Variants in XIRP2 observed in about 807,000 individuals in gnomAD.
XIRP2 encodes xin actin-binding repeat-containing protein 2.
A neutral mutation model predicts 277.0 loss-of-function variants in XIRP2; 236 were observed. That is an observed-to-expected ratio of 0.85 (90% CI 0.77 to 0.95). XIRP2 has a LOEUF of 0.95. Ranked by LOEUF, XIRP2 falls within the 40% of genes least tolerant of loss-of-function variation. The probability of loss-of-function intolerance (pLI) is 0.00; values close to 1 mark genes in which losing one functional copy is unlikely to be tolerated. For synonymous variants in XIRP2, 1,490 were observed against 1,416.5 expected (o/e 1.05, Z -1.17); for missense variants, 4,640 against 4,157.5 (o/e 1.12, Z -3.19).
rs1695264824 is a variant in XIRP2, at chr2:167,246,386, A to G, written c.4994A>G (p.Asn1665Ser). 1 of 1,613,438 alleles carries G rather than the reference A, an allele frequency of 6.2e-7. No homozygotes were observed. Residue 1665 changes from asparagine (N) to serine (S), a missense_variant, in exon 9 of 11, where the codon AAC becomes AGC. Physicochemically the swap from Asn to Ser is conservative, Grantham distance 46. Coordinates refer to ENST00000409195, the MANE Select transcript of XIRP2 (RefSeq NM_152381.6). ...VKGDVQQAIKNLFSEERSVKK... is the reference protein window; with the variant it reads ...VKGDVQQAIKSLFSEERSVKK... ...GGTGATGTACAACAAGCAATAAAAAACCTGTTCTCTGAGGAAAGATCTGTA... is the reference window on the plus strand; with the variant it reads ...GGTGATGTACAACAAGCAATAAAAAGCCTGTTCTCTGAGGAAAGATCTGTA...
chr2:167,118,538 T>C (rs1264163024), intron 2 of XIRP2, among the ~76,000 whole-genome samples: 2 of 94,480 alleles, frequency 2.1e-5, no homozygotes, highest in Non-Finnish European at 4.5e-5. Flanking sequence ...ATAAAATAGC[T>C]TGATGGAAGA....
At chr2:166,958,335 G>A (rs1266960522) in intron 2 of XIRP2, among the ~76,000 whole-genome samples, 1 of 151,854 alleles carries the variant, frequency 6.6e-6, no homozygotes, top group Non-Finnish European at 1.5e-5. Flanking sequence ...ATCTAATAGA[G>A]AGAGAAGCTG....
chr2:167,242,965 G>T lies in XIRP2; in HGVS notation c.1573G>T (p.Val525Phe). 6.2e-7 allele frequency: 1 copy of T among 1,613,880 alleles called. No individual in the cohort carries two copies. Among genetic ancestry groups the T allele is most frequent in the South Asian group, 1.1e-5 (1 of 91,060 alleles). Reference sequence around the variant, plus strand: ...TTATATCAGTGAAGTTTCTGAGATTGTTTCTAGTCAAATGAACTCAGGGAG... The same window carrying T: ...TTATATCAGTGAAGTTTCTGAGATTTTTTCTAGTCAAATGAACTCAGGGAG... ...KDYISEVSEI[V>F]SSQMNSGSSV... Residue 525 changes from valine to phenylalanine, a missense_variant, in exon 9 of 11, where the codon GTT becomes TTT. Transcript: ENST00000409195.
chr2:167,160,514 G>A (rs1032952655), intron 3 of XIRP2, among the ~76,000 whole-genome samples: 7 of 152,110 alleles, frequency 4.6e-5, no homozygotes, highest in African/African-American at 7.2e-5. Context: ...CATGGCAAAG[G>A]GTGAAAGGCA....
chr2:167,129,875 A>G (rs1413670865), intron 2 of XIRP2, among the ~76,000 whole-genome samples: 1 of 138,184 alleles, frequency 7.2e-6, no homozygotes, highest in Non-Finnish European at 1.5e-5. Context: ...GTCTCAAAAA[A>G]AAAAAAAAAA....
rs1476171068 is a variant in XIRP2 at position 166,903,556 on chromosome 2, A to G, written c.74A>G (p.Glu25Gly). The G allele has an allele frequency of 1.2e-6, 2 of 1,613,490 alleles. No homozygotes were observed. The highest frequency in any genetic ancestry group is 2.7e-5 in the African/African-American group (2 of 74,882). ...KWESCDYQRS[E>G]CHPRDSHCTI... ...GAATCTTGTGATTATCAGAGAAGTGAGTGTCATCCCAGGGACAGCCATTGT... is the reference window on the plus strand; with the variant it reads ...GAATCTTGTGATTATCAGAGAAGTGGGTGTCATCCCAGGGACAGCCATTGT... The change falls in exon 2 of 11, where the codon GAG becomes GGG. Residue 25 changes from glutamate (E) to glycine (G), a missense_variant. Glu to Gly is a moderately conservative substitution (Grantham distance 98). Coordinates refer to ENST00000409195, the MANE Select transcript of XIRP2 (RefSeq NM_152381.6).
At chr2:167,027,782 A>T (rs1023799040) in intron 2 of XIRP2, among the ~76,000 whole-genome samples, 26 of 152,020 alleles carry the variant, frequency 1.7e-4, no homozygotes, top group African/African-American at 6.3e-4. Flanking sequence ...TCCAGACCCT[A>T]TAAACAGGTA....
At chr2:167,164,315 C>T (rs975189678) in intron 3 of XIRP2, among the ~76,000 whole-genome samples, 6 of 151,502 alleles carry the variant, frequency 4.0e-5, no homozygotes, top group South Asian at 4.2e-4. Context: ...GCGTGTTAGC[C>T]GGCGCCTGTA....
At chr2:167,217,190 G>C (rs534155222) in intron 4 of XIRP2, among the ~76,000 whole-genome samples, 25 of 149,110 alleles carry the variant, frequency 1.7e-4, no homozygotes, top group South Asian at 4.3e-4. Context: ...GCTAGATGAC[G>C]AGTTAGTGGG....
intron 2 of XIRP2, among the ~76,000 whole-genome samples, chr2:167,047,099 G>A (rs141513374): frequency 2.0e-5 from 3 of 151,884 alleles, no homozygotes; most frequent in African/African-American, 4.8e-5. Context: ...TAGAGTTTTA[G>A]GTCAATGGTC....
intron 2 of XIRP2, among the ~76,000 whole-genome samples, chr2:166,914,981 A>T (rs189687651): frequency 9.9e-4 from 151 of 152,170 alleles, no homozygotes; most frequent in African/African-American, 3.4e-3. Flanking sequence ...GAAGAAGTTT[A>T]TTTGTTTGTT....
intron 3 of XIRP2, among the ~76,000 whole-genome samples, chr2:167,173,848 G>A (rs1234209683): frequency 6.6e-6 from 1 of 152,078 alleles, no homozygotes; most frequent in East Asian, 1.9e-4. Context: ...GTTCTGATTT[G>A]CATTTCTCTG....
chr2:167,099,646 G>T (rs1043652915), intron 2 of XIRP2, among the ~76,000 whole-genome samples: 1 of 152,092 alleles, frequency 6.6e-6, no homozygotes, highest in East Asian at 1.9e-4. Context: ...GTAGGCACCC[G>T]AGGGAATCTC....
chr2:167,094,429 T>C (rs1409726275), intron 2 of XIRP2, among the ~76,000 whole-genome samples: 2 of 152,224 alleles, frequency 1.3e-5, no homozygotes, highest in African/African-American at 4.8e-5. Context: ...GGTTTTCTTC[T>C]AGGGTTTTTA....
chr2:167,027,771 C>T (rs537278246), intron 2 of XIRP2, among the ~76,000 whole-genome samples: 3 of 152,056 alleles, frequency 2.0e-5, no homozygotes, highest in Admixed American at 6.6e-5. Flanking sequence ...TAGAGGTCCA[C>T]TCCAGACCCT....
chr2:167,234,202 C>A (rs1380176839), intron 5 of XIRP2, among the ~76,000 whole-genome samples: 3 of 151,290 alleles, frequency 2.0e-5, no homozygotes, highest in African/African-American at 4.8e-5. Context: ...AAAAATGATT[C>A]TTTGCTCTTT....
Position 167,251,197 on chromosome 2 carries a change from G to A in XIRP2, c.9805G>A (p.Ala3269Thr). ...GGAAATCAGGAAAGTGGAGAAGAGA[G>A]CTACTTATGTTCATAAAGATGGACT... The part of the protein sequence containing the change: ...QEEIRKVEKR[A>T]TYVHKDGLNS... Residue 3269 changes from alanine (A) to threonine (T), a missense_variant, in exon 9 of 11, where the codon GCT becomes ACT. Transcript: ENST00000409195. The A allele has an allele frequency of 6.2e-7, 1 of 1,613,502 alleles. No individual in the cohort carries two copies. Among genetic ancestry groups the A allele is most frequent in the African/African-American group, 1.3e-5 (1 of 74,982 alleles).
At chr2:167,201,222 GAA>G (rs1491530441) in intron 3 of XIRP2, among the ~76,000 whole-genome samples, 1 of 104,024 alleles carries the variant, frequency 9.6e-6, no homozygotes, top group Non-Finnish European at 1.8e-5. Flanking sequence ...AAGAAAGAAA[GAA>G]AGAAAGAAAG....
chr2:167,259,634 T>C lies in XIRP2; in HGVS notation c.*1817T>C, dbSNP rs1016252667. On this transcript the variant is annotated 3_prime_UTR_variant, in exon 11 of 11. Transcript: ENST00000409195. ...CAAATGGCACTTTAGCATATTGTTC[T>C]GTTTTCCTGTAAAACATCATGGGTG... is the stretch of plus-strand genomic sequence containing the variant. 3.4e-5 allele frequency: 11 copies of C among 320,966 alleles called. No individual in the cohort carries two copies. The highest frequency in any genetic ancestry group is 1.9e-4 in the African/African-American group (9 of 46,396). 19.9% of individuals were successfully genotyped at this position (320,966 alleles called of 1,614,324 possible). A position where few individuals can be genotyped will look rare whatever the true frequency, so the allele number is the denominator to read the frequency against.
Sources: gnomAD v4.1 joint callset for allele counts (sites outside exome capture counted in the v4.1 genomes callset) on GRCh38, gnomAD v4.1.1 for gene constraint, MANE v1.5 for transcripts, NCBI Gene and HGNC (gene_info 2026-07-23, HGNC 2026-07-21) for gene names.